The following EIF4E1B variants were observed in gnomAD, a reference collection of about 807,000 sequenced individuals.
The protein encoded by EIF4E1B is eukaryotic translation initiation factor 4E family member 1B.
EIF4E1B carries 22 observed loss-of-function variants against 31.3 expected under a neutral mutation model. The ratio of observed to expected loss-of-function variants is 0.70; its 90% CI spans 0.50 to 1.00. EIF4E1B has a LOEUF of 1.00. Ranked by LOEUF, EIF4E1B falls within the 50% of genes least tolerant of loss-of-function variation. The probability of loss-of-function intolerance (pLI) is 0.00; values close to 1 mark genes in which losing one functional copy is unlikely to be tolerated. For missense variants in EIF4E1B, 290 were observed against 311.6 expected, an observed-to-expected ratio of 0.93 and a Z score of 0.52; for synonymous variants, 126 against 120.2, an observed-to-expected ratio of 1.05 and a Z score of -0.31.
chr5:176,633,080 A>G (rs890229825), intron 1 of EIF4E1B, among the ~76,000 whole-genome samples: 2 of 152,214 alleles, frequency 1.3e-5, no homozygotes, highest in Non-Finnish European at 2.9e-5. Context: ...TGCACTGTCC[A>G]TGCCCAGCCA....
intron 1 of EIF4E1B, among the ~76,000 whole-genome samples, chr5:176,640,698 C>A (rs993219060): frequency 6.6e-6 from 1 of 152,194 alleles, no homozygotes; most frequent in African/African-American, 2.4e-5. Context: ...TATCTGATTG[C>A]CTCCCCAGCC....
chr5:176,643,295 G>A (rs1363784523), intron 4 of EIF4E1B, 29 bp downstream of exon 4: 1 of 1,603,692 alleles, frequency 6.2e-7, no homozygotes. Context: ...GTGGAACACA[G>A]CCCCTTGCTT....
chr5:176,646,246 G>T lies in EIF4E1B; in HGVS notation c.*266G>T. 2.4e-6 allele frequency: 1 copy of T among 410,848 alleles called. No homozygotes were observed. Among genetic ancestry groups the T allele is most frequent in the East Asian group, 3.9e-5 (1 of 25,364 alleles). The allele number at this position is 410,848 out of a possible 1,614,324, so 25.5% of individuals were successfully genotyped here. A position where few individuals can be genotyped will look rare whatever the true frequency, so the allele number is the denominator to read the frequency against. ...AACTCCTGAGGGTGGGGTGAGTCAT[G>T]GCGGGGAAGGAGGGCTCTATGGTAG... is the stretch of plus-strand genomic sequence containing the variant. On this transcript the variant is annotated 3_prime_UTR_variant, in exon 9 of 9. Coordinates refer to ENST00000318682, the MANE Select transcript of EIF4E1B (RefSeq NM_001099408.2).
chr5:176,646,093 G>C lies in EIF4E1B; in HGVS notation c.*113G>C. ...CAGCCTAGTTCTTACCTGTCCTCAAGTGAACAGGAATGCAAACACTCTTTA... is the reference window on the plus strand; with the variant it reads ...CAGCCTAGTTCTTACCTGTCCTCAACTGAACAGGAATGCAAACACTCTTTA... On this transcript the variant is annotated 3_prime_UTR_variant, in exon 9 of 9. Coordinates refer to ENST00000318682, the MANE Select transcript of EIF4E1B (RefSeq NM_001099408.2). The C allele has an allele frequency of 1.1e-6, 1 of 897,450 alleles. No homozygotes were observed. Among genetic ancestry groups the C allele is most frequent in the Non-Finnish European group, 1.7e-6 (1 of 578,262 alleles). 55.6% of individuals were successfully genotyped at this position (897,450 alleles called of 1,614,324 possible). A position where few individuals can be genotyped will look rare whatever the true frequency, so the allele number is the denominator to read the frequency against.
chr5:176,645,867 C>T lies in EIF4E1B; in HGVS notation c.616C>T (p.Arg206Cys), dbSNP rs182336246. The stretch of plus-strand genomic sequence containing the variant: ...CCTCTGTGTCCCCCGCACCTGCAGG[C>T]GTGTATACAAAGAGCGCCTGGGCCT... Reference protein sequence around the residue: ...ENQAGVLHVGRVYKERLGLSP... With the variant: ...ENQAGVLHVGCVYKERLGLSP... Residue 206 changes from arginine (R) to cysteine (C), a missense_variant and splice_region_variant, in exon 9 of 9, where the codon CGT becomes TGT. Physicochemically the swap from Arg to Cys is radical, Grantham distance 180. Transcript: ENST00000318682. The surrounding 1 kb of genome is among the most constrained non-coding windows in gnomAD (Gnocchi z 5.4). The T allele has an allele frequency of 3.1e-4, 497 of 1,586,006 alleles. 3 individuals carry two copies. The highest frequency in any genetic ancestry group is 3.0e-3 in the African/African-American group (224 of 74,106).
chr5:176,639,050 C>T (rs1032118472), intron 1 of EIF4E1B, among the ~76,000 whole-genome samples: 2 of 152,222 alleles, frequency 1.3e-5, no homozygotes, highest in Non-Finnish European at 1.5e-5. Context: ...ATCCACTGGC[C>T]TCGGCCTCCC....
chr5:176,633,434 CTTAT>C (rs1330681826), intron 1 of EIF4E1B, among the ~76,000 whole-genome samples: 2 of 152,070 alleles, frequency 1.3e-5, no homozygotes, highest in African/African-American at 2.4e-5. Flanking sequence ...TTGTGATTTA[CTTAT>C]TTATTTTTCG....
chr5:176,645,929 A>G lies in EIF4E1B; in HGVS notation c.678A>G (p.Ala226=), dbSNP rs1275125938. The G allele has an allele frequency of 1.2e-6, 2 of 1,610,290 alleles. No homozygotes were observed. The highest frequency in any genetic ancestry group is 2.2e-5 in the East Asian group (1 of 44,742). Residue 226 remains alanine (A), a synonymous_variant, in exon 9 of 9, where the codon GCA becomes GCG. Coordinates refer to ENST00000318682, the MANE Select transcript of EIF4E1B (RefSeq NM_001099408.2). The surrounding 1 kb of genome is among the most constrained non-coding windows in gnomAD (Gnocchi z 5.4). The part of the protein sequence containing the change: ...PKTIIGYQAH[A]DTATKSNSLA... ...CCATCATTGGGTACCAGGCCCATGCAGACACAGCCACCAAGAGCAACTCCC... is the reference window on the plus strand; with the variant it reads ...CCATCATTGGGTACCAGGCCCATGCGGACACAGCCACCAAGAGCAACTCCC...
At position 176,630,740 on chromosome 5, in the gene EIF4E1B, G is replaced by A. The variant is rs570555299; in HGVS notation, c.-526G>A. The A allele has an allele frequency of 1.3e-5, 2 of 152,388 alleles. No homozygotes were observed. The highest frequency in any genetic ancestry group is 4.8e-5 in the African/African-American group (2 of 41,574). 9.4% of individuals were successfully genotyped at this position (152,388 alleles called of 1,614,324 possible). A position where few individuals can be genotyped will look rare whatever the true frequency, so the allele number is the denominator to read the frequency against. ...GTGAAGAGTGGGGAAGAAATCACGC[G>A]ACTGGATTTGGAGTTCTGCTGGGCT... is the stretch of plus-strand genomic sequence containing the variant. On this transcript the variant is annotated 5_prime_UTR_variant, in exon 1 of 9. Transcript: ENST00000318682.
rs994139761 is a variant in EIF4E1B, at chr5:176,634,136, G to C, written c.-202+3072G>C. ...GCTGCAAAATGAAATAGGCATTGAG[G>C]GGGTGGAGCAGCTTGGTGGGGGGAT... On this transcript the variant is annotated intron_variant, in intron 1 of 8. Coordinates refer to ENST00000318682, the MANE Select transcript of EIF4E1B (RefSeq NM_001099408.2). Among the ~76,000 whole-genome samples, 9 of 152,012 alleles carry C rather than the reference G, an allele frequency of 5.9e-5. No individual in the cohort carries two copies. The East Asian group carries it at 7.7e-4, about 13-fold the overall frequency.
At chr5:176,637,884 G>C (rs1276823520) in intron 1 of EIF4E1B, among the ~76,000 whole-genome samples, 1 of 152,170 alleles carries the variant, frequency 6.6e-6, no homozygotes, top group Non-Finnish European at 1.5e-5. Flanking sequence ...GACCAGTTCA[G>C]AGGCCATCAC....
intron 1 of EIF4E1B, among the ~76,000 whole-genome samples, chr5:176,639,826 C>T (rs1333482538): frequency 2.0e-5 from 3 of 151,910 alleles, no homozygotes; most frequent in Non-Finnish European, 4.4e-5. Context: ...TCTCGGGAGG[C>T]TGAGGAGGGA....
chr5:176,643,299 C>T, intron 4 of EIF4E1B, 33 bp downstream of exon 4: 1 of 1,600,954 alleles, frequency 6.2e-7, no homozygotes, highest in Non-Finnish European at 8.5e-7. Context: ...AACACAGCCC[C>T]TTGCTTTCAG....
At chr5:176,642,856 C>CA (rs1554151038) in intron 3 of EIF4E1B, 54 bp downstream of exon 3, 48 of 1,270,916 alleles carry the variant, frequency 3.8e-5, no homozygotes, top group Middle Eastern at 5.6e-4. Context: ...CCCTCTCCCC[C>CA]CCCCCCCCCG....
chr5:176,634,893 C>T (rs1448763365), intron 1 of EIF4E1B, among the ~76,000 whole-genome samples: 2 of 152,198 alleles, frequency 1.3e-5, no homozygotes, highest in Middle Eastern at 3.4e-3. Flanking sequence ...TGGTCTCGAT[C>T]TCCTGACCTC....
chr5:176,634,688 G>A lies in EIF4E1B; in HGVS notation c.-202+3624G>A, dbSNP rs575230417. On this transcript the variant is annotated intron_variant, in intron 1 of 8. Transcript: ENST00000318682. ...TTTTTTTTTTCTTTTTTTTTTTTTC[G>A]AGACAGAGTCTTGCTGTGATGCCCA... Among the ~76,000 whole-genome samples, 6 of 91,562 alleles carry A rather than the reference G, an allele frequency of 6.6e-5. No individual in the cohort carries two copies. The East Asian group carries it at 1.6e-3, about 24-fold the overall frequency. The allele number at this position is 91,562 out of a possible 152,430, so 60.1% of individuals were successfully genotyped here. A position where few individuals can be genotyped will look rare whatever the true frequency, so the allele number is the denominator to read the frequency against.
At chr5:176,643,321 T>C (rs2113447083) in intron 4 of EIF4E1B, 55 bp downstream of exon 4, 2 of 1,562,102 alleles carry the variant, frequency 1.3e-6, no homozygotes, top group Non-Finnish European at 1.7e-6. Context: ...CCAGCCTCTG[T>C]GCTGGCAGCG....
chr5:176,646,052 G>T lies in EIF4E1B; in HGVS notation c.*72G>T. 7.5e-7 allele frequency: 1 copy of T among 1,325,352 alleles called. No individual in the cohort carries two copies. Among genetic ancestry groups the T allele is most frequent in the South Asian group, 1.3e-5 (1 of 78,628 alleles). 82.1% of individuals were successfully genotyped at this position (1,325,352 alleles called of 1,614,324 possible). A position where few individuals can be genotyped will look rare whatever the true frequency, so the allele number is the denominator to read the frequency against. ...GCCTCATTACTTTGGGGGATGGGGC[G>T]GGACTGGGGATCAGACAGCCTAGTT... On this transcript the variant is annotated 3_prime_UTR_variant, in exon 9 of 9. Transcript: ENST00000318682.
Position 176,646,056 on chromosome 5 carries a change from CTGGGG to C in EIF4E1B, c.*77_*81del. 2 of 1,304,160 alleles carry C rather than the reference CTGGGG, an allele frequency of 1.5e-6. No individual in the cohort carries two copies. The highest frequency in any genetic ancestry group is 2.6e-5 in the South Asian group (2 of 77,882). 80.8% of individuals were successfully genotyped at this position (1,304,160 alleles called of 1,614,324 possible). ...CATTACTTTGGGGGATGGGGCGGGA[CTGGGG>C]ATCAGACAGCCTAGTTCTTACCTGT... On this transcript the variant is annotated 3_prime_UTR_variant, in exon 9 of 9. Transcript: ENST00000318682.
Sources: allele counts gnomAD v4.1 joint callset (sites outside exome capture counted in the v4.1 genomes callset), GRCh38; gene constraint gnomAD v4.1.1; non-coding constraint Gnocchi (gnomAD v3.1); transcripts MANE v1.5; gene names NCBI Gene and HGNC (gene_info 2026-07-23, HGNC 2026-07-21).